The following SYT16 variants were observed in gnomAD, a reference collection of about 807,000 sequenced individuals.
SYT16 encodes the protein synaptotagmin 16, also known as synaptotagmin-16.
Under a neutral mutation model 61.4 loss-of-function variants are expected in SYT16, and 42 were observed. The observed-to-expected ratio is 0.68, with a 90% CI of 0.53 to 0.89. The LOEUF (loss-of-function observed/expected upper bound fraction) is 0.89, where lower values mean the gene tolerates loss of function less well. Among genes scored for constraint, SYT16 ranks in the 40% least tolerant of loss-of-function variants. The pLI is 0.00. For synonymous variants in SYT16, 314 were observed against 302.3 expected (o/e 1.04, Z -0.40); for missense variants, 804 against 807.3 (o/e 1.00, Z 0.05).
intron 1 of SYT16, among the ~76,000 whole-genome samples, chr14:61,957,565 G>A (rs1047790834): frequency 5.9e-5 from 9 of 151,952 alleles, no homozygotes; most frequent in Non-Finnish European, 1.2e-4. Context: ...AGATGATTAT[G>A]TGATTTTTAT....
intron 1 of SYT16, among the ~76,000 whole-genome samples, chr14:61,964,980 G>C (rs766834155): frequency 6.6e-6 from 1 of 151,668 alleles, no homozygotes; most frequent in African/African-American, 2.4e-5. Context: ...GCACATTTAA[G>C]AAACTACAGT....
At chr14:61,846,066 GT>G (rs1202894745) in intron 1 of SYT16, among the ~76,000 whole-genome samples, 1 of 152,080 alleles carries the variant, frequency 6.6e-6, no homozygotes, top group African/African-American at 2.4e-5. Context: ...TTTAAGACTT[GT>G]TTTTTGACCT....
chr14:61,823,574 CA>C (rs55935256), intron 1 of SYT16, among the ~76,000 whole-genome samples: 12,399 of 71,286 alleles, frequency 0.17, 496 homozygotes, highest in Middle Eastern at 0.2. Context: ...ACTAAAAATA[CA>C]AAAAAAAAAA....
At chr14:62,047,148 A>C (rs2055030071) in intron 3 of SYT16, among the ~76,000 whole-genome samples, 1 of 152,040 alleles carries the variant, frequency 6.6e-6, no homozygotes, top group African/African-American at 2.4e-5. Flanking sequence ...CTTTTATTTC[A>C]TTGAGCAGTG....
chr14:62,030,260 A>T (rs551367460), intron 3 of SYT16, among the ~76,000 whole-genome samples: 11 of 152,304 alleles, frequency 7.2e-5, no homozygotes. Context: ...ATTTTGATCA[A>T]TTCCTTTTCA....
intron 1 of SYT16, among the ~76,000 whole-genome samples, chr14:61,863,960 C>T (rs950025983): frequency 2.0e-5 from 3 of 152,144 alleles, no homozygotes; most frequent in Non-Finnish European, 4.4e-5. Flanking sequence ...CTGTTTTATT[C>T]TATTGATCGA....
chr14:61,964,335 G>A (rs1034089560), intron 1 of SYT16, among the ~76,000 whole-genome samples: 2 of 152,134 alleles, frequency 1.3e-5, no homozygotes, highest in Non-Finnish European at 2.9e-5. Flanking sequence ...ATATTAACAA[G>A]AGTTTGGAAG....
chr14:62,027,311 A>T (rs955227038), intron 3 of SYT16, among the ~76,000 whole-genome samples: 3 of 152,164 alleles, frequency 2.0e-5, no homozygotes, highest in African/African-American at 7.2e-5. Flanking sequence ...AGATCCAATG[A>T]TATCGATGTA....
chr14:62,077,449 T>A (rs896434792), intron 5 of SYT16, among the ~76,000 whole-genome samples: 1 of 152,236 alleles, frequency 6.6e-6, no homozygotes, highest in African/African-American at 2.4e-5. Flanking sequence ...GACCCAGGGC[T>A]TGGCAGGAAA....
chr14:62,062,196 T>C lies in SYT16; in HGVS notation c.524-7407T>C, dbSNP rs75730099. Among the ~76,000 whole-genome samples, 657 of 152,298 alleles carry C rather than the reference T, an allele frequency of 4.3e-3. 1 individual carries two copies. The highest frequency in any genetic ancestry group is 7.6e-3 in the Non-Finnish European group (519 of 68,018). On this transcript the variant is annotated intron_variant, in intron 3 of 7. Coordinates refer to ENST00000683842, the MANE Select transcript of SYT16 (RefSeq NM_001367656.1). ...TACAAGGTTTGGGTGACAAAACAGA[T>C]GTTTGCAGGAGGACCAGATGTTGAT...
Position 61,845,934 on chromosome 14 carries a change from C to A in SYT16, c.-325+33124C>A, listed in dbSNP as rs551640238. On this transcript the variant is annotated intron_variant, in intron 1 of 7. Coordinates refer to ENST00000683842, the MANE Select transcript of SYT16 (RefSeq NM_001367656.1). ...TTTCCTTCTTAATTTCTCCGTAGAC[C>A]CATTGGTCATTCAGGAGCATATTGT... 3.9e-5 allele frequency among the ~76,000 whole-genome samples: 6 copies of A among 152,222 alleles called. No homozygotes were observed. In the East Asian group the frequency reaches 1.2e-3, roughly 29 times the overall value.
At chr14:61,893,189 A>C (rs2048201731) in intron 1 of SYT16, among the ~76,000 whole-genome samples, 1 of 152,216 alleles carries the variant, frequency 6.6e-6, no homozygotes. Flanking sequence ...AAAGAAAGTG[A>C]ATGTGGTTTG....
chr14:61,982,549 C>T (rs2052129373), intron 2 of SYT16, among the ~76,000 whole-genome samples: 2 of 152,086 alleles, frequency 1.3e-5, no homozygotes, highest in African/African-American at 2.4e-5. Context: ...CAATTATCTC[C>T]CACCAGGTCC....
At chr14:62,045,015 G>A (rs1243876701) in intron 3 of SYT16, among the ~76,000 whole-genome samples, 3 of 152,140 alleles carry the variant, frequency 2.0e-5, no homozygotes, top group Non-Finnish European at 4.4e-5. Context: ...GCACGCACCT[G>A]TAATCCTAGC....
At chr14:61,989,597 G>A (rs1233366994) in intron 2 of SYT16, among the ~76,000 whole-genome samples, 1 of 152,076 alleles carries the variant, frequency 6.6e-6, no homozygotes, top group Non-Finnish European at 1.5e-5. Context: ...ACAAAAAATT[G>A]TCTAATTTGA....
At chr14:61,930,682 G>A (rs2049728912) in intron 1 of SYT16, among the ~76,000 whole-genome samples, 1 of 152,090 alleles carries the variant, frequency 6.6e-6, no homozygotes, top group East Asian at 1.9e-4. Context: ...TAATCAACTG[G>A]CCTTTAAATA....
intron 1 of SYT16, among the ~76,000 whole-genome samples, chr14:61,848,935 C>T (rs1489223222): frequency 6.6e-6 from 1 of 152,172 alleles, no homozygotes; most frequent in East Asian, 1.9e-4. Flanking sequence ...CTGAAGCCAG[C>T]ATGTCTCAGA....
At chr14:61,895,797 C>A (rs2048303108) in intron 1 of SYT16, among the ~76,000 whole-genome samples, 2 of 152,082 alleles carry the variant, frequency 1.3e-5, no homozygotes, top group African/African-American at 2.4e-5. Context: ...CTTTATTACC[C>A]TGAATTGTAA....
At chr14:61,855,428 C>G (rs1183055307) in intron 1 of SYT16, among the ~76,000 whole-genome samples, 1 of 152,214 alleles carries the variant, frequency 6.6e-6, no homozygotes, top group African/African-American at 2.4e-5. Flanking sequence ...TTAGCCTACA[C>G]TACCTTTAAT....
Sources: allele counts gnomAD v4.1 joint callset (sites outside exome capture counted in the v4.1 genomes callset), GRCh38; gene constraint gnomAD v4.1.1; transcripts MANE v1.5; gene names NCBI Gene and HGNC (gene_info 2026-07-23, HGNC 2026-07-21).